TXNRD2: variants seen among roughly 807,000 people sequenced by gnomAD.
The protein encoded by TXNRD2 is thioredoxin reductase 2, mitochondrial.
A neutral mutation model predicts 70.8 loss-of-function variants in TXNRD2; 67 were observed. That is an observed-to-expected ratio of 0.95 (90% CI 0.78 to 1.16). The LOEUF (loss-of-function observed/expected upper bound fraction) is 1.16. Ranked by LOEUF, TXNRD2 falls within the 50% of genes most tolerant of loss-of-function variation. TXNRD2 has a pLI of 0.00. For missense variants in TXNRD2, 644 were observed against 719.9 expected, an observed-to-expected ratio of 0.89 and a Z score of 1.21; for synonymous variants, 301 against 295.8, an observed-to-expected ratio of 1.02 and a Z score of -0.18.
chr22:19,905,905 T>C (rs985186237), intron 8 of TXNRD2, among the ~76,000 whole-genome samples: 4 of 109,822 alleles, frequency 3.6e-5, no homozygotes, highest in African/African-American at 1.5e-4. Context: ...ATAAGGAAAA[T>C]ACAGGGCTTA....
intron 8 of TXNRD2, chr22:19,902,972 T>A (rs1338827325): frequency 1.9e-6 from 1 of 518,740 alleles, no homozygotes; most frequent in South Asian, 1.4e-5. Flanking sequence ...AAATAAAAGC[T>A]CTTTCCATGA....
chr22:19,920,112 C>G (rs1420083509), intron 2 of TXNRD2, among the ~76,000 whole-genome samples: 1 of 152,210 alleles, frequency 6.6e-6, no homozygotes, highest in East Asian at 1.9e-4. Context: ...ACTCTCAGGA[C>G]CAGGACACCA....
intron 11 of TXNRD2, 183 bp from the exon 12 acceptor site, chr22:19,883,644 G>T (rs1259599058): frequency 2.6e-6 from 2 of 767,966 alleles, no homozygotes; most frequent in Non-Finnish European, 4.3e-6. Context: ...TCGAGACCAG[G>T]CTGGCCAACA....
intron 10 of TXNRD2, among the ~76,000 whole-genome samples, chr22:19,895,987 ACT>A (rs367811268): frequency 3.3e-5 from 5 of 152,120 alleles, no homozygotes; most frequent in Middle Eastern, 3.4e-3. Context: ...ACAGAGTGAG[ACT>A]CTATCTCTAA....
At chr22:19,909,901 AC>A (rs1569094009) in intron 8 of TXNRD2, among the ~76,000 whole-genome samples, 4 of 20,084 alleles carry the variant, frequency 2.0e-4, no homozygotes, top group East Asian at 3.4e-3. Flanking sequence ...ACACACACAC[AC>A]CACACACCCA....
chr22:19,909,305 T>C (rs1284753730), intron 8 of TXNRD2, among the ~76,000 whole-genome samples: 1 of 151,950 alleles, frequency 6.6e-6, no homozygotes, highest in Non-Finnish European at 1.5e-5. Context: ...CTTCTGATGG[T>C]AAACAGATGC....
In TXNRD2 at chr22:19,925,337, C is replaced by T. The variant is rs146992235; in HGVS notation, c.172+5693G>A. Among the ~76,000 whole-genome samples, 3 of 151,700 alleles carry T rather than the reference C, an allele frequency of 2.0e-5. 1 individual carries two copies. Among genetic ancestry groups the T allele is most frequent in the East Asian group, 1.9e-4 (1 of 5,166 alleles). ...AACAAAAAAGAAGGCAAAATAAAGA[C>T]GTTTTCAGACATACAAAAGCTGAGA... On this transcript the variant is annotated intron_variant, in intron 2 of 17. Transcript: ENST00000400521.
intron 8 of TXNRD2, among the ~76,000 whole-genome samples, chr22:19,906,246 G>C (rs775272658): frequency 6.6e-6 from 1 of 152,158 alleles, no homozygotes; most frequent in African/African-American, 2.4e-5. Flanking sequence ...GCTGTGACAC[G>C]AGGCTTTTCA....
chr22:19,889,654 T>C (rs1428446895), intron 11 of TXNRD2, among the ~76,000 whole-genome samples: 1 of 151,900 alleles, frequency 6.6e-6, no homozygotes, highest in African/African-American at 2.4e-5. Context: ...TTATTATTAA[T>C]TATTTGAAAA....
intron 11 of TXNRD2, among the ~76,000 whole-genome samples, chr22:19,885,474 CT>C (rs35942596): frequency 0.23 from 35,051 of 152,198 alleles, 4,506 homozygotes; most frequent in Non-Finnish European, 0.29. Context: ...GCTCCAGCCT[CT>C]GTGCTCTGCT....
intron 13 of TXNRD2, 25 bp downstream of exon 13, chr22:19,880,597 C>A (rs759229915): frequency 2.5e-6 from 4 of 1,607,302 alleles, no homozygotes; most frequent in East Asian, 2.2e-5. Flanking sequence ...CTAGGCTGCA[C>A]GTGGCGTCCT....
At chr22:19,915,336 G>A in intron 6 of TXNRD2, 60 bp from the exon 7 acceptor site, 2 of 1,557,698 alleles carry the variant, frequency 1.3e-6, no homozygotes, top group Non-Finnish European at 1.8e-6. Context: ...CCCCACCGGA[G>A]GGCCTGAGCA....
chr22:19,930,548 C>A (rs1205282006), intron 2 of TXNRD2, among the ~76,000 whole-genome samples: 1 of 152,254 alleles, frequency 6.6e-6, no homozygotes, highest in East Asian at 1.9e-4. Flanking sequence ...CCCAGCAGAA[C>A]TGACCATGGA....
intron 11 of TXNRD2, chr22:19,895,162 G>T (rs371751545): frequency 2.0e-4 from 321 of 1,598,300 alleles, no homozygotes; most frequent in Non-Finnish European, 2.6e-4. Flanking sequence ...TTTCCAGCAT[G>T]TCCCACGGTG....
intron 8 of TXNRD2, among the ~76,000 whole-genome samples, chr22:19,907,417 G>A (rs1446874397): frequency 3.1e-5 from 1 of 32,052 alleles, no homozygotes; most frequent in Admixed American, 3.9e-4. Flanking sequence ...TGGGCGCACC[G>A]TAAGTAGCAG....
At chr22:19,887,159 T>A (rs1266769828) in intron 11 of TXNRD2, 1 of 152,258 alleles carries the variant, frequency 6.6e-6, no homozygotes, top group African/African-American at 2.4e-5. Flanking sequence ...TTTATAGGCA[T>A]CTTCACCATG....
chr22:19,940,018 T>A (rs1159314388), intron 1 of TXNRD2, among the ~76,000 whole-genome samples: 2 of 151,750 alleles, frequency 1.3e-5, no homozygotes, highest in East Asian at 3.9e-4. Context: ...CCAAGGCAGG[T>A]GGATCATGAG....
chr22:19,924,981 GAA>G (rs66630445), intron 2 of TXNRD2, among the ~76,000 whole-genome samples: 20,212 of 134,028 alleles, frequency 0.15, 1,737 homozygotes, highest in Non-Finnish European at 0.2. Flanking sequence ...TTAAAGTACT[GAA>G]AAAAAAAAAA....
intron 11 of TXNRD2, 34 bp from the exon 12 acceptor site, chr22:19,883,495 C>G: frequency 1.2e-6 from 2 of 1,613,618 alleles, no homozygotes; most frequent in Non-Finnish European, 1.7e-6. Context: ...GAAAGGTTAT[C>G]TTCAGTGGCT....
Sources: gnomAD v4.1 joint callset for allele counts (sites outside exome capture counted in the v4.1 genomes callset) on GRCh38, gnomAD v4.1.1 for gene constraint, MANE v1.5 for transcripts, NCBI Gene and HGNC (gene_info 2026-07-23, HGNC 2026-07-21) for gene names.